SLC17A4: variants seen among roughly 807,000 people sequenced by gnomAD.
SLC17A4 encodes probable small intestine urate exporter.
SLC17A4 carries 33 observed loss-of-function variants against 52.5 expected under a neutral mutation model. That is an observed-to-expected ratio of 0.63 (90% CI 0.48 to 0.84). The LOEUF (loss-of-function observed/expected upper bound fraction) is 0.84. Among genes scored for constraint, SLC17A4 ranks in the 40% least tolerant of loss-of-function variants. The pLI is 0.00. For missense variants in SLC17A4, 585 were observed against 597.1 expected, an observed-to-expected ratio of 0.98 and a Z score of 0.21; for synonymous variants, 225 against 216.2, an observed-to-expected ratio of 1.04 and a Z score of -0.36.
chr6:25,770,874 G>C, intron 5 of SLC17A4, 52 bp from the exon 6 acceptor site: 1 of 1,393,020 alleles, frequency 7.2e-7, no homozygotes, highest in Non-Finnish European at 1.0e-6. Flanking sequence ...AAAGCACATA[G>C]AGCCCCAAGA....
Position 25,769,176 on chromosome 6 carries a change from G to A in SLC17A4, c.283G>A (p.Glu95Lys), listed in dbSNP as rs866718817. Residue 95 changes from glutamate (E) to lysine (K), a missense_variant, in exon 3 of 12, where the codon GAA becomes AAA. Glu to Lys is a moderately conservative substitution (Grantham distance 56). Transcript: ENST00000377905. ...SQGYWNETLKEFKAMAPAYDW... is the reference protein window; with the variant it reads ...SQGYWNETLKKFKAMAPAYDW... ...GGGCTACTGGAATGAAACTCTAAAAGAATTTAAAGCAATGGTAAGTTTAAT... is the reference window on the plus strand; with the variant it reads ...GGGCTACTGGAATGAAACTCTAAAAAAATTTAAAGCAATGGTAAGTTTAAT... The A allele has an allele frequency of 6.2e-7, 1 of 1,613,894 alleles. No individual in the cohort carries two copies. The highest frequency in any genetic ancestry group is 8.5e-7 in the Non-Finnish European group (1 of 1,179,870).
Position 25,773,622 on chromosome 6 carries a change from T to G in SLC17A4, c.935T>G (p.Met312Arg). ...GAATACTGGCTTTTTTATACCATTA[T>G]GGCGTACACACCAACGTACATCAGC... ...FCEYWLFYTI[M>R]AYTPTYISSV... The change falls in exon 8 of 12, where the codon ATG becomes AGG. Residue 312 changes from methionine (M) to arginine (R), a missense_variant. Transcript: ENST00000377905. The G allele has an allele frequency of 6.2e-7, 1 of 1,613,982 alleles. No homozygotes were observed. Among genetic ancestry groups the G allele is most frequent in the Non-Finnish European group, 8.5e-7 (1 of 1,179,884 alleles).
chr6:25,769,180 T>G lies in SLC17A4; in HGVS notation c.287T>G (p.Phe96Cys). 1 of 1,613,774 alleles carries G rather than the reference T, an allele frequency of 6.2e-7. No homozygotes were observed. The highest frequency in any genetic ancestry group is 1.1e-5 in the South Asian group (1 of 91,070). Residue 96 changes from phenylalanine to cysteine, a missense_variant, in exon 3 of 12, where the codon TTT becomes TGT. Coordinates refer to ENST00000377905, the MANE Select transcript of SLC17A4 (RefSeq NM_005495.3). ...TACTGGAATGAAACTCTAAAAGAAT[T>G]TAAAGCAATGGTAAGTTTAATGAGA... ...QGYWNETLKE[F>C]KAMAPAYDWS...
intron 2 of SLC17A4, among the ~76,000 whole-genome samples, chr6:25,766,398 T>C (rs1335062592): frequency 6.6e-6 from 1 of 152,186 alleles, no homozygotes; most frequent in Non-Finnish European, 1.5e-5. Flanking sequence ...ATAGTTCATA[T>C]AGCACTCTAC....
chr6:25,780,927 A>G lies in SLC17A4; in HGVS notation c.*1739A>G, dbSNP rs1763252449. ...ATATTAATGGGGATGCCTCTAACAC[A>G]GACAGCAACACAGATAGCAATTATA... On this transcript the variant is annotated 3_prime_UTR_variant, in exon 12 of 12. Coordinates refer to ENST00000377905, the MANE Select transcript of SLC17A4 (RefSeq NM_005495.3). 6.6e-6 allele frequency: 1 copy of G among 152,200 alleles called. No individual in the cohort carries two copies. Among genetic ancestry groups the G allele is most frequent in the African/African-American group, 2.4e-5 (1 of 41,450 alleles). 9.4% of individuals were successfully genotyped at this position (152,200 alleles called of 1,614,324 possible).
At position 25,776,861 on chromosome 6, in the gene SLC17A4, C is replaced by T; in HGVS notation, c.1170C>T (p.Ser390=). ...VILVSLPWVR[S]SHSMTMTFLV... is the part of the protein sequence containing the mutation. ...TCGTGTCCCTGCCCTGGGTCAGATC[C>T]AGCCACAGCATGACCATGACCTTCT... The change falls in exon 10 of 12, where the codon TCC becomes TCT. Residue 390 remains serine (S), a synonymous_variant. Coordinates refer to ENST00000377905, the MANE Select transcript of SLC17A4 (RefSeq NM_005495.3). The T allele has an allele frequency of 6.2e-7, 1 of 1,613,994 alleles. No individual in the cohort carries two copies. The highest frequency in any genetic ancestry group is 8.5e-7 in the Non-Finnish European group (1 of 1,179,916).
In SLC17A4 at chr6:25,758,704, A is replaced by T. The variant is rs186386185; in HGVS notation, c.-36-3223A>T. ...CTTTTTTCCTTGGTTAGTGTCGCTG[A>T]TGGTCTGGCAATTTTATTTATCTTT... is the stretch of plus-strand genomic sequence containing the variant. On this transcript the variant is annotated intron_variant, in intron 1 of 11. Coordinates refer to ENST00000377905, the MANE Select transcript of SLC17A4 (RefSeq NM_005495.3). Among the ~76,000 whole-genome samples, 76 of 151,718 alleles carry T rather than the reference A, an allele frequency of 5.0e-4. No individual in the cohort carries two copies. The East Asian group carries it at 0.013, about 26-fold the overall frequency.
Position 25,780,797 on chromosome 6 carries a change from G to C in SLC17A4, c.*1609G>C, listed in dbSNP as rs1360314767. 5 of 152,170 alleles carry C rather than the reference G, an allele frequency of 3.3e-5. No homozygotes were observed. In the East Asian group the frequency reaches 9.6e-4, roughly 29 times the overall value. 9.4% of individuals were successfully genotyped at this position (152,170 alleles called of 1,614,324 possible). A position where few individuals can be genotyped will look rare whatever the true frequency, so the allele number is the denominator to read the frequency against. On this transcript the variant is annotated 3_prime_UTR_variant, in exon 12 of 12. Coordinates refer to ENST00000377905, the MANE Select transcript of SLC17A4 (RefSeq NM_005495.3). ...ATGGTGAGAGGTGAATGGATTATTT[G>C]ATTTAGGTGGATTATTTGATTTAGG...
intron 2 of SLC17A4, among the ~76,000 whole-genome samples, chr6:25,763,444 G>A (rs1761728141): frequency 6.6e-6 from 1 of 152,208 alleles, no homozygotes; most frequent in Non-Finnish European, 1.5e-5. Flanking sequence ...TGCTTTGTCA[G>A]TTGGTGTCCA....
intron 2 of SLC17A4, chr6:25,768,319 C>G (rs1306735470): frequency 9.3e-6 from 9 of 964,784 alleles, no homozygotes; most frequent in Non-Finnish European, 9.9e-6. Flanking sequence ...TACATTACCT[C>G]TGGGATTTCT....
intron 2 of SLC17A4, among the ~76,000 whole-genome samples, chr6:25,763,083 C>T (rs1222622609): frequency 6.6e-6 from 1 of 152,184 alleles, no homozygotes; most frequent in East Asian, 1.9e-4. Context: ...GTGTCCCTTC[C>T]TCAGCCCACC....
intron 2 of SLC17A4, among the ~76,000 whole-genome samples, chr6:25,768,135 G>C (rs1762173334): frequency 6.6e-6 from 1 of 152,172 alleles, no homozygotes; most frequent in Admixed American, 6.5e-5. Context: ...TTTCATGGGT[G>C]GTGCATTGGC....
intron 1 of SLC17A4, among the ~76,000 whole-genome samples, chr6:25,760,178 C>T (rs73733696): frequency 0.024 from 3,683 of 152,218 alleles, 64 homozygotes; most frequent in Middle Eastern, 0.095. Context: ...TTTTAATATC[C>T]ATGTCCTTGA....
intron 10 of SLC17A4, chr6:25,777,279 T>C: frequency 3.7e-6 from 1 of 271,142 alleles, no homozygotes; most frequent in Non-Finnish European, 6.9e-6. Flanking sequence ...ATCTTGAGAT[T>C]CTATAGGGTA....
chr6:25,755,079 ACACAGAGG>A (rs1760894431), intron 1 of SLC17A4, among the ~76,000 whole-genome samples: 1 of 149,826 alleles, frequency 6.7e-6, no homozygotes, highest in South Asian at 2.2e-4. Flanking sequence ...ACACACACAC[ACACAGAGG>A]AAGAAAGAGA....
intron 10 of SLC17A4, 99 bp from the exon 11 acceptor site, chr6:25,777,827 C>T (rs12201071): frequency 0.52 from 491,157 of 950,608 alleles, 136,973 homozygotes; most frequent in South Asian, 0.6. Flanking sequence ...GATATTAACC[C>T]TTTGTTTGCA....
At chr6:25,768,315 A>G in intron 2 of SLC17A4, 1 of 947,076 alleles carries the variant, frequency 1.1e-6, no homozygotes, top group Non-Finnish European at 1.3e-6. Context: ...ATCATACATT[A>G]CCTCTGGGAT....
chr6:25,755,532 A>G (rs1380005987), intron 1 of SLC17A4, among the ~76,000 whole-genome samples: 3 of 150,172 alleles, frequency 2.0e-5, no homozygotes, highest in Non-Finnish European at 3.0e-5. Context: ...AACAGGGTGC[A>G]TATGAATCCA....
At chr6:25,777,578 A>G (rs1276207205) in intron 10 of SLC17A4, 1 of 178,062 alleles carries the variant, frequency 5.6e-6, no homozygotes, top group East Asian at 1.4e-4. Context: ...AACAACAACA[A>G]CAACAACAAC....
Sources: allele counts gnomAD v4.1 joint callset (sites outside exome capture counted in the v4.1 genomes callset), GRCh38; gene constraint gnomAD v4.1.1; transcripts MANE v1.5; gene names NCBI Gene and HGNC (gene_info 2026-07-23, HGNC 2026-07-21).